The following COL1A2 variants were observed in gnomAD, a reference collection of about 807,000 sequenced individuals.
COL1A2 encodes the protein collagen alpha-2(I) chain.
A neutral mutation model predicts 174.3 loss-of-function variants in COL1A2; 49 were observed. The observed-to-expected ratio is 0.28, with a 90% CI of 0.22 to 0.36. The LOEUF is 0.36. COL1A2 is among the 10% of genes least tolerant of loss of function. The probability of loss-of-function intolerance (pLI) is 1.00; values close to 1 mark genes in which losing one functional copy is unlikely to be tolerated. For missense variants in COL1A2, 1,438 were observed against 1,822.7 expected (o/e 0.79, Z 3.84); for synonymous variants, 655 against 606.6 (o/e 1.08, Z -1.17).
In COL1A2 at chr7:94,421,052, G is replaced by A. The variant is rs1224862017; in HGVS notation, c.2339G>A (p.Gly780Glu). 84 of 1,614,140 alleles carry A rather than the reference G, an allele frequency of 5.2e-5. No homozygotes were observed. Among genetic ancestry groups the A allele is most frequent in the Non-Finnish European group, 7.1e-5 (84 of 1,180,024 alleles). Reference sequence around the variant, plus strand: ...GGTCCTGCTGGAAGTCGTGGTGATGGAGGCCCCCCTGTGAGTATTTACAAT... The same window carrying A: ...GGTCCTGCTGGAAGTCGTGGTGATGAAGGCCCCCCTGTGAGTATTTACAAT... ...PPGPAGSRGD[G>E]GPPGMTGFPG... The change falls in exon 38 of 52, where the codon GGA (glycine) becomes GAA (glutamate). Residue 780 changes from glycine to glutamate, a missense_variant. Coordinates refer to ENST00000297268, the MANE Select transcript of COL1A2 (RefSeq NM_000089.4).
chr7:94,407,961 T>C, intron 13 of COL1A2, 70 bp downstream of exon 13: 4 of 1,437,550 alleles, frequency 2.8e-6, no homozygotes, highest in Non-Finnish European at 3.9e-6. Context: ...TCTTTAATGT[T>C]TTTGCTAATC....
intron 50 of COL1A2, among the ~76,000 whole-genome samples, chr7:94,428,741 A>G (rs1316547301): frequency 6.6e-6 from 1 of 152,230 alleles, no homozygotes; most frequent in Non-Finnish European, 1.5e-5. Context: ...GTGAAGGAGC[A>G]CTGGCCAGCT....
intron 44 of COL1A2, 40 bp downstream of exon 44, chr7:94,425,897 G>A (rs745847270): frequency 4.5e-5 from 72 of 1,606,024 alleles, no homozygotes; most frequent in South Asian, 1.7e-4. Context: ...CAGCATTCTC[G>A]TGGGCTTCAC....
At chr7:94,399,898 C>T (rs565307636) in intron 4 of COL1A2, among the ~76,000 whole-genome samples, 19 of 152,222 alleles carry the variant, frequency 1.2e-4, no homozygotes, top group Non-Finnish European at 2.4e-4. Context: ...ATATGAAGCA[C>T]GTGGAACCAT....
At chr7:94,427,124 C>T in intron 47 of COL1A2, 63 bp downstream of exon 47, 1 of 1,603,972 alleles carries the variant, frequency 6.2e-7, no homozygotes, top group Non-Finnish European at 8.5e-7. Flanking sequence ...GCAGTGAGCC[C>T]CAGGCTGCTG....
intron 49 of COL1A2, 76 bp downstream of exon 49, chr7:94,427,961 A>G: frequency 2.0e-6 from 3 of 1,487,440 alleles, no homozygotes; most frequent in Non-Finnish European, 2.8e-6. Context: ...ATTGACATTT[A>G]GAGTGAAAAT....
At chr7:94,412,780 G>A in intron 25 of COL1A2, 98 bp downstream of exon 25, 3 of 1,090,282 alleles carry the variant, frequency 2.8e-6, no homozygotes, top group Non-Finnish European at 4.2e-6. Context: ...CAGTCTCAGG[G>A]AGTTTCCTTT....
At chr7:94,426,898 C>T (rs1475316334) in intron 46 of COL1A2, 110 bp from the exon 47 acceptor site, 1 of 932,370 alleles carries the variant, frequency 1.1e-6, no homozygotes. Flanking sequence ...TCAATTTTCT[C>T]AATCCGGAGT....
rs1382129803 is a variant in COL1A2 at position 94,431,205 on chromosome 7, G to A, written c.*812G>A. On this transcript the variant is annotated 3_prime_UTR_variant, in exon 52 of 52. Coordinates refer to ENST00000297268, the MANE Select transcript of COL1A2 (RefSeq NM_000089.4). ...TAAATTGTGAAAAAAATGAAATAAA[G>A]CATGTTTGGTTTTCCAAAAGAACAT... 2 of 152,564 alleles carry A rather than the reference G, an allele frequency of 1.3e-5. No homozygotes were observed. The highest frequency in any genetic ancestry group is 1.9e-4 in the East Asian group (1 of 5,194). 9.5% of individuals were successfully genotyped at this position (152,564 alleles called of 1,614,324 possible). A position where few individuals can be genotyped will look rare whatever the true frequency, so the allele number is the denominator to read the frequency against.
intron 49 of COL1A2, 70 bp from the exon 50 acceptor site, chr7:94,428,223 T>C: frequency 2.4e-6 from 3 of 1,243,594 alleles, no homozygotes; most frequent in South Asian, 2.4e-5. Context: ...GTATCTTTCA[T>C]TAGTTATTAT....
Position 94,425,168 on chromosome 7 carries a change from C to G in COL1A2, c.2725C>G (p.Pro909Ala). The G allele has an allele frequency of 6.2e-7, 1 of 1,614,126 alleles. No individual in the cohort carries two copies. Among genetic ancestry groups the G allele is most frequent in the Non-Finnish European group, 8.5e-7 (1 of 1,180,016 alleles). The part of the protein sequence containing the change: ...IAGPPGARGP[P>A]GAVGSPGVNG... ...CGGCCCTCCTGGGGCCCGTGGTCCT[C>G]CTGGTGCTGTGGGTAGTCCTGGAGT... Residue 909 changes from proline (P) to alanine (A), a missense_variant, in exon 42 of 52, where the codon CCT becomes GCT. By Grantham distance (27) the Pro-to-Ala change is conservative (BLOSUM62 -1). Transcript: ENST00000297268.
chr7:94,408,841 C>T lies in COL1A2; in HGVS notation c.792+18C>T. 1.9e-6 allele frequency: 3 copies of T among 1,611,672 alleles called. No individual in the cohort carries two copies. In the South Asian group the frequency reaches 3.3e-5, roughly 18 times the overall value. ...GCCCCAAGGTAAAAACACTGGTGAC[C>T]ATTGTCACTACTTTGATAAACTTTT... On this transcript the variant is annotated intron_variant, in intron 16 of 51. Coordinates refer to ENST00000297268, the MANE Select transcript of COL1A2 (RefSeq NM_000089.4).
intron 45 of COL1A2, 49 bp from the exon 46 acceptor site, chr7:94,426,374 C>G: frequency 6.7e-7 from 1 of 1,486,988 alleles, no homozygotes; most frequent in African/African-American, 1.4e-5. Context: ...GAAGTGAGTG[C>G]CATTTTTTTA....
intron 6 of COL1A2, among the ~76,000 whole-genome samples, chr7:94,402,445 T>C: frequency 6.6e-6 from 1 of 152,126 alleles, no homozygotes; most frequent in Non-Finnish European, 1.5e-5. Flanking sequence ...CTAGCATTTA[T>C]GTCACTCAGT....
intron 2 of COL1A2, among the ~76,000 whole-genome samples, chr7:94,397,993 AAT>A (rs1449876106): frequency 1.3e-5 from 2 of 152,100 alleles, no homozygotes; most frequent in Non-Finnish European, 2.9e-5. Flanking sequence ...ATTCATAAGA[AAT>A]ATAGAGTAAA....
chr7:94,423,048 G>C lies in COL1A2; in HGVS notation c.2495G>C (p.Gly832Ala). 6.2e-7 allele frequency: 1 copy of C among 1,614,204 alleles called. No homozygotes were observed. Among genetic ancestry groups the C allele is most frequent in the Admixed American group, 1.7e-5 (1 of 60,034 alleles). Residue 832 changes from glycine to alanine, a missense_variant, in exon 40 of 52, where the codon GGA (glycine) becomes GCA (alanine). By Grantham distance (60) the Gly-to-Ala change is moderately conservative. Coordinates refer to ENST00000297268, the MANE Select transcript of COL1A2 (RefSeq NM_000089.4). ...RGDQGPVGRTGEVGAVGPPGF... is the reference protein window; with the variant it reads ...RGDQGPVGRTAEVGAVGPPGF... ...GACCAAGGTCCAGTTGGCCGAACTG[G>C]AGAAGTAGGTGCAGTTGGTCCCCCT...
chr7:94,421,817 T>A, intron 38 of COL1A2, 82 bp from the exon 39 acceptor site: 1 of 1,234,218 alleles, frequency 8.1e-7, no homozygotes, highest in Non-Finnish European at 1.2e-6. Context: ...TGTACTGATT[T>A]TCCAAAACAA....
chr7:94,423,354 C>T (rs938397430), intron 40 of COL1A2: 15 of 533,794 alleles, frequency 2.8e-5, no homozygotes, highest in African/African-American at 7.6e-5. Flanking sequence ...TCACAAAGCC[C>T]TTAAAGCTAT....
intron 6 of COL1A2, among the ~76,000 whole-genome samples, chr7:94,402,763 A>G (rs549885251): frequency 2.8e-4 from 42 of 152,292 alleles, no homozygotes; most frequent in Middle Eastern, 3.4e-3. Context: ...CCCAAAGTCA[A>G]CAAGGTCTTT....
Sources: gnomAD v4.1 joint callset for allele counts (sites outside exome capture counted in the v4.1 genomes callset) on GRCh38, gnomAD v4.1.1 for gene constraint, MANE v1.5 for transcripts, NCBI Gene and HGNC (gene_info 2026-07-23, HGNC 2026-07-21) for gene names.